TUSC3: variants seen among roughly 807,000 people sequenced by gnomAD.
TUSC3 encodes dolichyl-diphosphooligosaccharide--protein glycosyltransferase subunit TUSC3.
A neutral mutation model predicts 44.8 loss-of-function variants in TUSC3; 45 were observed. That is an observed-to-expected ratio of 1.00 (90% CI 0.79 to 1.29). TUSC3 has a LOEUF of 1.29. TUSC3 is among the 50% of genes most tolerant of loss of function. The pLI is 0.00. For missense variants in TUSC3, 519 were observed against 437.9 expected (o/e 1.19, Z -1.65); for synonymous variants, 212 against 152.9 (o/e 1.39, Z -2.85).
the TUSC3 span, among the ~76,000 whole-genome samples, chr8:15,792,068 A>G: frequency 1.3e-5 from 2 of 152,098 alleles, no homozygotes; most frequent in African/African-American, 4.8e-5. Flanking sequence ...TCTGTTTGCC[A>G]GCTTGAATTT....
chr8:15,572,419 G>A (rs1219103453), intron 1 of TUSC3, among the ~76,000 whole-genome samples: 1 of 152,106 alleles, frequency 6.6e-6, no homozygotes, highest in African/African-American at 2.4e-5. Flanking sequence ...ATTAGGCTTG[G>A]TTTAAGGGGA....
intron 2 of TUSC3, among the ~76,000 whole-genome samples, chr8:15,526,478 G>C (rs1028804869): frequency 6.6e-6 from 1 of 152,136 alleles, no homozygotes; most frequent in African/African-American, 2.4e-5. Context: ...CATTGTGGGA[G>C]GGACCCAGTG....
At chr8:15,541,344 C>G (rs1168143142) in intron 1 of TUSC3, among the ~76,000 whole-genome samples, 1 of 152,174 alleles carries the variant, frequency 6.6e-6, no homozygotes, top group Non-Finnish European at 1.5e-5. Context: ...GTTGATCTAG[C>G]TGCTTCAGCA....
the TUSC3 span, among the ~76,000 whole-genome samples, chr8:15,804,071 G>A: frequency 3.2e-3 from 481 of 152,188 alleles, 10 homozygotes; most frequent in East Asian, 0.072. Flanking sequence ...ATTCAGTAAC[G>A]GGATTGCTGG....
chr8:15,720,507 C>G (rs914003260), intron 6 of TUSC3, among the ~76,000 whole-genome samples: 5 of 152,000 alleles, frequency 3.3e-5, no homozygotes, highest in Non-Finnish European at 7.4e-5. Flanking sequence ...ATTTCTTAGA[C>G]ACGTTTCATT....
intron 7 of TUSC3, among the ~76,000 whole-genome samples, chr8:15,742,695 G>A (rs990637957): frequency 2.0e-5 from 3 of 152,184 alleles, no homozygotes; most frequent in Non-Finnish European, 4.4e-5. Context: ...AAATTGAGGA[G>A]GTTCTGGGCT....
chr8:15,581,050 C>A (rs1435307628), intron 1 of TUSC3, among the ~76,000 whole-genome samples: 4 of 119,016 alleles, frequency 3.4e-5, no homozygotes, highest in Non-Finnish European at 6.7e-5. Flanking sequence ...CTTCCCTTCT[C>A]GCTTCATTTC....
intron 6 of TUSC3, among the ~76,000 whole-genome samples, chr8:15,706,597 A>C (rs1425010079): frequency 6.6e-6 from 1 of 152,078 alleles, no homozygotes; most frequent in African/African-American, 2.4e-5. Context: ...AGGAGTAGAG[A>C]AAAGATAACA....
chr8:15,684,412 G>A (rs1041129230), intron 6 of TUSC3, among the ~76,000 whole-genome samples: 1 of 152,146 alleles, frequency 6.6e-6, no homozygotes, highest in East Asian at 1.9e-4. Context: ...TGTACAACTG[G>A]TATATTTTCA....
At chr8:15,441,240 C>T (rs1298444229) in intron 1 of TUSC3, among the ~76,000 whole-genome samples, 1 of 152,168 alleles carries the variant, frequency 6.6e-6, no homozygotes, top group African/African-American at 2.4e-5. Context: ...AACCCCGTCT[C>T]TACTGAAAAT....
rs184265707 is a variant in TUSC3 at position 15,726,851 on chromosome 8, C to T, written c.799-3815C>T. On this transcript the variant is annotated intron_variant, in intron 6 of 10. Transcript: ENST00000503731. Reference sequence around the variant, plus strand: ...AAGAAATATTCAATGGATTAGACAACTAAAAAACATTTATATTAATGGTTT... The same window carrying T: ...AAGAAATATTCAATGGATTAGACAATTAAAAAACATTTATATTAATGGTTT... Among the ~76,000 whole-genome samples, 326 of 152,112 alleles carry T rather than the reference C, an allele frequency of 2.1e-3. 3 individuals are homozygous for T. The highest frequency in any genetic ancestry group is 7.3e-3 in the African/African-American group (304 of 41,534).
At chr8:15,489,135 A>G (rs942187398) in intron 2 of TUSC3, among the ~76,000 whole-genome samples, 1 of 152,224 alleles carries the variant, frequency 6.6e-6, no homozygotes, top group African/African-American at 2.4e-5. Context: ...TTGATTTTAT[A>G]CATTTTAGAG....
intron 6 of TUSC3, among the ~76,000 whole-genome samples, chr8:15,680,797 A>T (rs1228190105): frequency 6.6e-6 from 1 of 152,042 alleles, no homozygotes; most frequent in African/African-American, 2.4e-5. Flanking sequence ...TCATGAACAG[A>T]TGCTGGACAT....
the TUSC3 span, among the ~76,000 whole-genome samples, chr8:15,819,098 C>T: frequency 1.3e-5 from 2 of 152,098 alleles, no homozygotes; most frequent in Non-Finnish European, 2.9e-5. Context: ...AGAAAATTCA[C>T]AGCATTCTTG....
At chr8:15,645,347 T>C (rs1374792308) in intron 2 of TUSC3, among the ~76,000 whole-genome samples, 3 of 152,152 alleles carry the variant, frequency 2.0e-5, no homozygotes, top group Non-Finnish European at 4.4e-5. Flanking sequence ...GTTTATACTG[T>C]TTCTATTACC....
chr8:15,509,557 G>A (rs1273574661), intron 2 of TUSC3, among the ~76,000 whole-genome samples: 4 of 151,982 alleles, frequency 2.6e-5, no homozygotes, highest in African/African-American at 7.2e-5. Flanking sequence ...GCAGTGAGCC[G>A]AGATTGTGCC....
At chr8:15,507,855 C>A (rs1170442815) in intron 2 of TUSC3, among the ~76,000 whole-genome samples, 1 of 151,852 alleles carries the variant, frequency 6.6e-6, no homozygotes, top group Non-Finnish European at 1.5e-5. Flanking sequence ...TAATGGCCTC[C>A]CCAAGAGGTA....
chr8:15,419,760 A>C (rs1799715337), intron 1 of TUSC3, among the ~76,000 whole-genome samples: 2 of 152,296 alleles, frequency 1.3e-5, no homozygotes, highest in South Asian at 4.1e-4. Context: ...CAGTTTCCTA[A>C]TTTGTAAAAT....
At chr8:15,460,532 A>AT (rs1800331146) in intron 1 of TUSC3, among the ~76,000 whole-genome samples, 1 of 151,986 alleles carries the variant, frequency 6.6e-6, no homozygotes, top group Admixed American at 6.6e-5. Context: ...AAACTCTTTA[A>AT]TTATGTCCCA....
Sources: allele counts gnomAD v4.1 joint callset (sites outside exome capture counted in the v4.1 genomes callset), GRCh38; gene constraint gnomAD v4.1.1; transcripts MANE v1.5; gene names NCBI Gene and HGNC (gene_info 2026-07-23, HGNC 2026-07-21).